MTUS2: variants seen among roughly 807,000 people sequenced by gnomAD.
The protein encoded by MTUS2 is microtubule associated scaffold protein 2.
Under a neutral mutation model 114.1 loss-of-function variants are expected in MTUS2, and 40 were observed. That is an observed-to-expected ratio of 0.35 (90% CI 0.27 to 0.46). The LOEUF (loss-of-function observed/expected upper bound fraction) is 0.46. Ranked by LOEUF, MTUS2 falls within the 20% of genes least tolerant of loss-of-function variation. MTUS2 has a pLI of 1.00. For synonymous variants in MTUS2, 688 were observed against 672.0 expected, an observed-to-expected ratio of 1.02 and a Z score of -0.37; for missense variants, 1,679 against 1,705.4, an observed-to-expected ratio of 0.98 and a Z score of 0.27.
chr13:29,097,753 A>T (rs977325976), intron 4 of MTUS2, among the ~76,000 whole-genome samples: 4 of 152,082 alleles, frequency 2.6e-5, no homozygotes, highest in African/African-American at 9.7e-5. Context: ...ATGGGCACTT[A>T]GGCACTAATC....
At chr13:29,244,058 G>A (rs1039814523) in intron 5 of MTUS2, among the ~76,000 whole-genome samples, 5 of 152,206 alleles carry the variant, frequency 3.3e-5, no homozygotes, top group Admixed American at 3.3e-4. Context: ...AGTTGAAGTA[G>A]CACATGCCTA....
chr13:28,993,330 C>T (rs1298532194), intron 2 of MTUS2, among the ~76,000 whole-genome samples: 1 of 152,178 alleles, frequency 6.6e-6, no homozygotes, highest in African/African-American at 2.4e-5. Flanking sequence ...TTTTCTCTAG[C>T]AGCTGTACCA....
At chr13:29,312,099 C>T (rs1274167964) in intron 6 of MTUS2, among the ~76,000 whole-genome samples, 1 of 152,194 alleles carries the variant, frequency 6.6e-6, no homozygotes, top group African/African-American at 2.4e-5. Flanking sequence ...TGACAAGTCT[C>T]GCATACTTCA....
At chr13:29,244,756 A>G (rs1896850175) in intron 5 of MTUS2, among the ~76,000 whole-genome samples, 1 of 151,628 alleles carries the variant, frequency 6.6e-6, no homozygotes, top group Admixed American at 6.6e-5. Flanking sequence ...GGAGATCGAG[A>G]CCATCCCGGC....
At chr13:29,420,965 T>C (rs1262275789) in intron 8 of MTUS2, among the ~76,000 whole-genome samples, 1 of 152,164 alleles carries the variant, frequency 6.6e-6, no homozygotes, top group African/African-American at 2.4e-5. Flanking sequence ...CCTATTTGGG[T>C]ATTACAGAGA....
intron 8 of MTUS2, among the ~76,000 whole-genome samples, chr13:29,416,565 A>C (rs1374128948): frequency 6.6e-6 from 1 of 152,002 alleles, no homozygotes; most frequent in South Asian, 2.1e-4. Context: ...CCAGTCACCT[A>C]TCAGGTGAAT....
chr13:28,908,503 G>T (rs1880196179), intron 2 of MTUS2, among the ~76,000 whole-genome samples: 1 of 151,408 alleles, frequency 6.6e-6, no homozygotes, highest in Non-Finnish European at 1.5e-5. Context: ...AGTATTCCAT[G>T]GTGTATATGT....
At chr13:29,290,812 T>C (rs1313768558) in intron 6 of MTUS2, among the ~76,000 whole-genome samples, 1 of 152,198 alleles carries the variant, frequency 6.6e-6, no homozygotes, top group Non-Finnish European at 1.5e-5. Flanking sequence ...CTGAAGTCTC[T>C]CTGCCCCATA....
At chr13:28,951,177 C>T (rs1020408932) in intron 2 of MTUS2, among the ~76,000 whole-genome samples, 1 of 152,094 alleles carries the variant, frequency 6.6e-6, no homozygotes, top group African/African-American at 2.4e-5. Context: ...AAGAAAATTC[C>T]ATTTACAATA....
At chr13:29,203,641 G>T (rs1292377024) in intron 5 of MTUS2, among the ~76,000 whole-genome samples, 1 of 152,060 alleles carries the variant, frequency 6.6e-6, no homozygotes, top group Non-Finnish European at 1.5e-5. Flanking sequence ...CAAATCCAGG[G>T]CCCTGGTGGC....
intron 2 of MTUS2, among the ~76,000 whole-genome samples, chr13:28,928,282 C>T (rs1646085772): frequency 6.6e-6 from 1 of 152,080 alleles, no homozygotes; most frequent in Non-Finnish European, 1.5e-5. Context: ...AAAGCTACTG[C>T]ATAGCAAGGG....
intron 2 of MTUS2, among the ~76,000 whole-genome samples, chr13:28,872,757 T>C (rs1877698225): frequency 6.6e-6 from 1 of 152,098 alleles, no homozygotes; most frequent in Admixed American, 6.6e-5. Flanking sequence ...GCCTAACATC[T>C]CCCATTAGGC....
intron 2 of MTUS2, among the ~76,000 whole-genome samples, chr13:28,954,561 G>C (rs1404494755): frequency 6.6e-6 from 1 of 152,204 alleles, no homozygotes; most frequent in Non-Finnish European, 1.5e-5. Flanking sequence ...CATATGGGGA[G>C]TGGGTGTGGG....
chr13:29,471,941 C>G (rs1880347183), intron 9 of MTUS2, among the ~76,000 whole-genome samples: 1 of 152,188 alleles, frequency 6.6e-6, no homozygotes, highest in Non-Finnish European at 1.5e-5. Flanking sequence ...TTTTGGTCAC[C>G]AGGCCCGAGA....
chr13:28,920,920 G>T (rs1314503243), intron 2 of MTUS2, among the ~76,000 whole-genome samples: 1 of 152,126 alleles, frequency 6.6e-6, no homozygotes, highest in African/African-American at 2.4e-5. Flanking sequence ...GGTGAATGCT[G>T]CCAGGCTTGG....
At chr13:29,074,768 G>A (rs535306862) in intron 4 of MTUS2, among the ~76,000 whole-genome samples, 8 of 152,066 alleles carry the variant, frequency 5.3e-5, no homozygotes, top group African/African-American at 7.2e-5. Context: ...TTCCTTTCCC[G>A]GAACTAGTTA....
In MTUS2 at chr13:28,886,740, G is replaced by A. The variant is rs534380573; in HGVS notation, c.-243+46890G>A. ...CTCCAGAAACTCACTGATAAGTAAG[G>A]GGGGATAAAGTATGCACAGACTTAC... is the stretch of plus-strand genomic sequence containing the variant. On this transcript the variant is annotated intron_variant, in intron 2 of 15. Coordinates refer to ENST00000612955, the MANE Select transcript of MTUS2 (RefSeq NM_001033602.4). Among the ~76,000 whole-genome samples the A allele has an allele frequency of 2.8e-4, 43 of 152,250 alleles. 1 individual carries two copies. The South Asian group carries it at 8.7e-3, about 31-fold the overall frequency.
At chr13:29,109,572 G>A (rs140747190) in intron 5 of MTUS2, among the ~76,000 whole-genome samples, 22 of 152,096 alleles carry the variant, frequency 1.4e-4, no homozygotes, top group African/African-American at 5.3e-4. Context: ...TTGTGACTTT[G>A]GGCAAGTTGC....
At chr13:29,288,579 C>G (rs901423874) in intron 6 of MTUS2, among the ~76,000 whole-genome samples, 1 of 152,144 alleles carries the variant, frequency 6.6e-6, no homozygotes, top group Non-Finnish European at 1.5e-5. Flanking sequence ...TAAAGAATTA[C>G]TGGAGCCAGG....
Sources: allele counts gnomAD v4.1 joint callset (sites outside exome capture counted in the v4.1 genomes callset), GRCh38; gene constraint gnomAD v4.1.1; transcripts MANE v1.5; gene names NCBI Gene and HGNC (gene_info 2026-07-23, HGNC 2026-07-21).